Variants in SMARCAD1 observed in about 807,000 individuals in gnomAD.
SMARCAD1 encodes the protein SWI/SNF-related matrix-associated actin-dependent regulator of chromatin subfamily A containing DEAD/H box 1.
SMARCAD1 carries 25 observed loss-of-function variants against 127.1 expected under a neutral mutation model. The ratio of observed to expected loss-of-function variants is 0.20; its 90% CI spans 0.14 to 0.27. The LOEUF is 0.27. SMARCAD1 is among the 10% of genes least tolerant of loss of function. The probability of loss-of-function intolerance (pLI) is 1.00; values close to 1 mark genes in which losing one functional copy is unlikely to be tolerated. For synonymous variants in SMARCAD1, 400 were observed against 396.9 expected (o/e 1.01, Z -0.09); for missense variants, 807 against 1,206.0 (o/e 0.67, Z 4.90).
intron 6 of SMARCAD1, among the ~76,000 whole-genome samples, chr4:94,243,011 C>A (rs180815840): frequency 1.3e-5 from 2 of 152,290 alleles, no homozygotes; most frequent in East Asian, 3.9e-4. Context: ...CTCATCCTGT[C>A]GCCCAGGCAT....
intron 20 of SMARCAD1, among the ~76,000 whole-genome samples, chr4:94,281,155 GATAATACATAC>G: frequency 6.6e-6 from 1 of 152,292 alleles, no homozygotes; most frequent in South Asian, 2.1e-4. Context: ...TCACAGTCCA[GATAATACATAC>G]ATAAGCAGTT....
At chr4:94,259,467 A>T (rs1048870120) in intron 9 of SMARCAD1, among the ~76,000 whole-genome samples, 1 of 152,182 alleles carries the variant, frequency 6.6e-6, no homozygotes, top group Admixed American at 6.5e-5. Context: ...AATCAGCAGC[A>T]GTCATTTTGA....
intron 2 of SMARCAD1, among the ~76,000 whole-genome samples, chr4:94,210,204 A>T (rs965481169): frequency 6.6e-6 from 1 of 152,218 alleles, no homozygotes; most frequent in Admixed American, 6.5e-5. Flanking sequence ...TCTGCTTAAA[A>T]ACTGAGATTG....
At chr4:94,229,766 GGA>G (rs1191878953) in intron 3 of SMARCAD1, among the ~76,000 whole-genome samples, 2 of 150,910 alleles carry the variant, frequency 1.3e-5, no homozygotes, top group African/African-American at 4.9e-5. Context: ...TTGGAGTTAG[GGA>G]GAGAGAGAAG....
In SMARCAD1 at chr4:94,275,802, T is replaced by TTTATTTTATTTTATTTTA. The variant is rs1553920718; in HGVS notation, c.1809-535_1809-534insATTTTATTTTATTTTATT. ...ATTGTAACATTAACATTTTCTTTTT[T>TTTATTTTATTTTATTTTA]TTTTTTTTTTTTGAGACGGAGTCTC... On this transcript the variant is annotated intron_variant, in intron 14 of 23. Coordinates refer to ENST00000354268, the MANE Select transcript of SMARCAD1 (RefSeq NM_020159.5). 8.6e-3 allele frequency among the ~76,000 whole-genome samples: 1,246 copies of TTTATTTTATTTTATTTTA among 144,716 alleles called. 31 individuals are homozygous for TTTATTTTATTTTATTTTA. Among genetic ancestry groups the TTTATTTTATTTTATTTTA allele is most frequent in the East Asian group, 0.018 (87 of 4,958 alleles). 94.9% of individuals were successfully genotyped at this position (144,716 alleles called of 152,430 possible).
chr4:94,242,535 C>G (rs1277010562), intron 6 of SMARCAD1, among the ~76,000 whole-genome samples: 2 of 152,118 alleles, frequency 1.3e-5, no homozygotes, highest in Non-Finnish European at 2.9e-5. Flanking sequence ...CACAGGGCTA[C>G]TCTCTGAGTT....
chr4:94,287,597 C>T (rs1354626693), intron 23 of SMARCAD1, among the ~76,000 whole-genome samples: 13 of 152,100 alleles, frequency 8.5e-5, no homozygotes, highest in Admixed American at 3.9e-4. Flanking sequence ...CCATTCTATA[C>T]CTACTTAGTC....
Position 94,239,337 on chromosome 4 carries a change from C to T in SMARCAD1, c.605-1569C>T, listed in dbSNP as rs376335854. Reference sequence around the variant, plus strand: ...TCTTTAACAGATCCAGAAATTGTGACAGTTCCCATTGTTTCTTTTAACCAC... The same window carrying T: ...TCTTTAACAGATCCAGAAATTGTGATAGTTCCCATTGTTTCTTTTAACCAC... On this transcript the variant is annotated intron_variant, in intron 5 of 23. Coordinates refer to ENST00000354268, the MANE Select transcript of SMARCAD1 (RefSeq NM_020159.5). Among the ~76,000 whole-genome samples the T allele has an allele frequency of 6.6e-4, 93 of 141,796 alleles. 1 individual carries two copies. Among genetic ancestry groups the T allele is most frequent in the Middle Eastern group, 6.9e-3 (2 of 290 alleles). The allele number at this position is 141,796 out of a possible 152,430, so 93.0% of individuals were successfully genotyped here.
intron 5 of SMARCAD1, among the ~76,000 whole-genome samples, chr4:94,237,784 G>A (rs1409211256): frequency 6.6e-6 from 1 of 152,034 alleles, no homozygotes; most frequent in African/African-American, 2.4e-5. Context: ...TTCCCTATTA[G>A]CACTTACGTT....
intron 6 of SMARCAD1, among the ~76,000 whole-genome samples, chr4:94,245,442 G>A (rs956721108): frequency 1.3e-5 from 2 of 152,172 alleles, no homozygotes; most frequent in South Asian, 2.1e-4. Flanking sequence ...TGTGGCATCC[G>A]GATGAATTTG....
intron 3 of SMARCAD1, among the ~76,000 whole-genome samples, chr4:94,231,569 T>C (rs976935838): frequency 1.3e-5 from 2 of 152,226 alleles, no homozygotes; most frequent in African/African-American, 4.8e-5. Context: ...TTGTTTATTG[T>C]GTCACCTATT....
rs1057405093 is a variant in SMARCAD1, at chr4:94,290,585, G to T, written c.*1051G>T. On this transcript the variant is annotated 3_prime_UTR_variant, in exon 24 of 24. Coordinates refer to ENST00000354268, the MANE Select transcript of SMARCAD1 (RefSeq NM_020159.5). ...TTTCCAGAATTTCCAGTACAGGACC[G>T]CCTGAAGAGAGAGCCATTGTTCAAT... 6.4e-5 allele frequency: 29 copies of T among 454,338 alleles called. No homozygotes were observed. Among genetic ancestry groups the T allele is most frequent in the African/African-American group, 2.0e-4 (10 of 50,006 alleles). 28.1% of individuals were successfully genotyped at this position (454,338 alleles called of 1,614,324 possible). A position where few individuals can be genotyped will look rare whatever the true frequency, so the allele number is the denominator to read the frequency against.
chr4:94,257,014 CTG>C (rs1750201708), intron 9 of SMARCAD1, among the ~76,000 whole-genome samples: 1 of 152,102 alleles, frequency 6.6e-6, no homozygotes, highest in Non-Finnish European at 1.5e-5. Context: ...TCAAAAATAT[CTG>C]TACAGTAAGA....
intron 16 of SMARCAD1, among the ~76,000 whole-genome samples, 192 bp from the exon 17 acceptor site, chr4:94,278,230 A>T (rs77723696): frequency 0.01 from 1,598 of 152,278 alleles, 25 homozygotes; most frequent in African/African-American, 0.036. Flanking sequence ...AAAACTTCAA[A>T]ATACATATGG....
chr4:94,231,433 TCAACTCTGTTGTTCTTA>T (rs1745835500), intron 3 of SMARCAD1, among the ~76,000 whole-genome samples: 1 of 152,234 alleles, frequency 6.6e-6, no homozygotes, highest in Non-Finnish European at 1.5e-5. Flanking sequence ...GAGCAAGTGG[TCAACTCTGTTGTTCTTA>T]CAGGTTTTTT....
chr4:94,242,004 C>T (rs1029328363), intron 6 of SMARCAD1, among the ~76,000 whole-genome samples: 2 of 151,980 alleles, frequency 1.3e-5, no homozygotes, highest in African/African-American at 4.8e-5. Context: ...CGTTATCCTT[C>T]TATTCTATTC....
chr4:94,285,631 T>C (rs2126013259), intron 23 of SMARCAD1, among the ~76,000 whole-genome samples: 1 of 152,310 alleles, frequency 6.6e-6, no homozygotes, highest in South Asian at 2.1e-4. Flanking sequence ...TATTAGGCAC[T>C]CTGTTCTGTA....
chr4:94,283,414 G>A lies in SMARCAD1; in HGVS notation c.2909+111G>A. 7 of 945,192 alleles carry A rather than the reference G, an allele frequency of 7.4e-6. 1 individual carries two copies. The South Asian group carries it at 9.7e-5, about 13-fold the overall frequency. 58.6% of individuals were successfully genotyped at this position (945,192 alleles called of 1,614,324 possible). Reference sequence around the variant, plus strand: ...CCTTAGTTTTTGTTTTTTCGGCAAAGCATGGCTACTGATGTATTTTATACC... The same window carrying A: ...CCTTAGTTTTTGTTTTTTCGGCAAAACATGGCTACTGATGTATTTTATACC... On this transcript the variant is annotated intron_variant, in intron 22 of 23. Coordinates refer to ENST00000354268, the MANE Select transcript of SMARCAD1 (RefSeq NM_020159.5).
At chr4:94,269,664 C>CTGT (rs200454016) in intron 10 of SMARCAD1, among the ~76,000 whole-genome samples, 2,734 of 151,432 alleles carry the variant, frequency 0.018, 40 homozygotes, top group Admixed American at 0.027. Context: ...TGTTTTCATT[C>CTGT]TGTTGTTGTT....
Sources: allele counts gnomAD v4.1 joint callset (sites outside exome capture counted in the v4.1 genomes callset), GRCh38; gene constraint gnomAD v4.1.1; transcripts MANE v1.5; gene names NCBI Gene and HGNC (gene_info 2026-07-23, HGNC 2026-07-21).